The following RGPD3 variants were observed in gnomAD, a reference collection of about 807,000 sequenced individuals.
The protein encoded by RGPD3 is RANBP2 like and GRIP domain containing 3, also known as ranBP2-like and GRIP domain-containing protein 3.
RGPD3 carries 62 observed loss-of-function variants against 154.5 expected under a neutral mutation model. The observed-to-expected ratio is 0.40, with a 90% confidence interval of 0.33 to 0.50. RGPD3 has a LOEUF of 0.50. Among genes scored for constraint, RGPD3 ranks in the 20% least tolerant of loss-of-function variants. The probability of loss-of-function intolerance (pLI) is 0.59; values close to 1 mark genes in which losing one functional copy is unlikely to be tolerated. For missense variants in RGPD3, 919 were observed against 1,716.8 expected, an observed-to-expected ratio of 0.54 and a Z score of 8.21; for synonymous variants, 308 against 607.0, an observed-to-expected ratio of 0.51 and a Z score of 7.24.
rs576950945 is a variant in RGPD3 at position 106,441,138 on chromosome 2, G to A, written c.1066+155C>T. ...TTTTTAAAGAATGTGCTATTTCTTC[G>A]CATCTCTTCCATACCTATTGCTCTT... On this transcript the variant is annotated intron_variant, in intron 8 of 22. Transcript: ENST00000409886. Among the ~76,000 whole-genome samples the A allele has an allele frequency of 7.9e-5, 12 of 151,854 alleles. 1 individual carries two copies. Among genetic ancestry groups the A allele is most frequent in the East Asian group, 5.8e-4 (3 of 5,168 alleles).
intron 21 of RGPD3, among the ~76,000 whole-genome samples, chr2:106,414,679 G>T (rs1408452803): frequency 1.3e-5 from 2 of 151,184 alleles, no homozygotes; most frequent in African/African-American, 2.4e-5. Context: ...GGGCTAGTTA[G>T]TGATTTGTTA....
At chr2:106,465,673 T>A (rs1470324296) in intron 1 of RGPD3, among the ~76,000 whole-genome samples, 2 of 151,786 alleles carry the variant, frequency 1.3e-5, no homozygotes, top group East Asian at 3.9e-4. Context: ...CTTAAAACAT[T>A]TGTGGAAAAG....
At chr2:106,410,704 A>G (rs2104442563) in intron 22 of RGPD3, among the ~76,000 whole-genome samples, 1 of 152,208 alleles carries the variant, frequency 6.6e-6, no homozygotes, top group South Asian at 2.1e-4. Flanking sequence ...TTATAGGGGC[A>G]GTTTTACTCT....
At chr2:106,428,726 G>A (rs1423252961) in intron 18 of RGPD3, among the ~76,000 whole-genome samples, 1 of 151,484 alleles carries the variant, frequency 6.6e-6, no homozygotes, top group Non-Finnish European at 1.5e-5. Flanking sequence ...TACCATTTCA[G>A]AAGTCTGTCG....
At position 106,464,009 on chromosome 2, in the gene RGPD3, T is replaced by C. The variant is rs368931824; in HGVS notation, c.72+4208A>G. 6.6e-5 allele frequency among the ~76,000 whole-genome samples: 10 copies of C among 152,270 alleles called. No homozygotes were observed. In the East Asian group the frequency reaches 1.7e-3, roughly 26 times the overall value. On this transcript the variant is annotated intron_variant, in intron 1 of 22. Transcript: ENST00000409886. ...TGAAAGAATGAGGGGCAAACCAAAG[T>C]GTCTGAGGACAGTTTTGGAGGAGCA...
chr2:106,421,962 G>A (rs1677004249), intron 20 of RGPD3, among the ~76,000 whole-genome samples: 1 of 151,002 alleles, frequency 6.6e-6, no homozygotes, highest in Non-Finnish European at 1.5e-5. Flanking sequence ...TGACATGCAT[G>A]TTGTAGTGGT....
chr2:106,451,104 A>AAAAG (rs1161760822), intron 6 of RGPD3, among the ~76,000 whole-genome samples: 6,409 of 143,946 alleles, frequency 0.045, 32 homozygotes, highest in Middle Eastern at 0.055. Context: ...AAAAAAACAA[A>AAAAG]AAAGAAAGAA....
chr2:106,438,495 A>G (rs1262506691), intron 9 of RGPD3, among the ~76,000 whole-genome samples: 1 of 145,618 alleles, frequency 6.9e-6, no homozygotes, highest in Middle Eastern at 3.4e-3. Flanking sequence ...CTCAAAATAC[A>G]ACAAGGCTGG....
At chr2:106,467,036 G>A (rs1466201761) in intron 1 of RGPD3, among the ~76,000 whole-genome samples, 2 of 127,276 alleles carry the variant, frequency 1.6e-5, no homozygotes, top group African/African-American at 2.7e-5. Context: ...CCTCAACAGA[G>A]CGCGCCAGGT....
At chr2:106,450,898 T>C (rs549173043) in intron 6 of RGPD3, among the ~76,000 whole-genome samples, 1 of 76,824 alleles carries the variant, frequency 1.3e-5, no homozygotes, top group Admixed American at 1.5e-4. Context: ...AAAAGAGAGA[T>C]TGAGACCATC....
rs1324919716 is a variant in RGPD3, at chr2:106,468,284, C to G, written c.5G>C (p.Ser2Thr). ...CCGCTCCCCGTAGGCCTTGCTGCAA[C>G]TCATCGCGCCACCAACCTGGCTCCC... Reference protein sequence around the residue: MSCSKAYGERYV... With the variant: MTCSKAYGERYV... The change falls in exon 1 of 23, where the codon AGT becomes ACT. Residue 2 changes from serine to threonine, a missense_variant. Transcript: ENST00000409886. The G allele has an allele frequency of 3.2e-5, 52 of 1,604,980 alleles. No homozygotes were observed. The highest frequency in any genetic ancestry group is 4.3e-5 in the Non-Finnish European group (51 of 1,177,222).
At chr2:106,415,063 C>T (rs1388820182) in intron 21 of RGPD3, among the ~76,000 whole-genome samples, 2 of 151,732 alleles carry the variant, frequency 1.3e-5, no homozygotes, top group African/African-American at 4.8e-5. Flanking sequence ...TATCAGTGAG[C>T]CAGGGTGGAA....
At chr2:106,416,078 T>C in intron 20 of RGPD3, 89 bp from the exon 21 acceptor site, 1 of 1,541,594 alleles carries the variant, frequency 6.5e-7, no homozygotes, top group Non-Finnish European at 8.7e-7. Context: ...ATAAATATCT[T>C]ACTATGTGAT....
intron 1 of RGPD3, among the ~76,000 whole-genome samples, chr2:106,467,716 GGCC>G (rs1678673578): frequency 1.4e-5 from 2 of 144,404 alleles, no homozygotes; most frequent in African/African-American, 2.6e-5. Context: ...GCCAGGTCGA[GGCC>G]GCCGCCTCAA....
Position 106,423,187 on chromosome 2 carries a change from C to T in RGPD3, c.4780G>A (p.Glu1594Lys), listed in dbSNP as rs2104455764. 1 of 1,608,560 alleles carries T rather than the reference C, an allele frequency of 6.2e-7. No homozygotes were observed. The highest frequency in any genetic ancestry group is 2.3e-4 in the Middle Eastern group (1 of 4,414). ...CATTTTTTAGGTTCCACTTTGCTTTCAGATCCACTCTGGGCTACTGAACTA... is the reference window on the plus strand; with the variant it reads ...CATTTTTTAGGTTCCACTTTGCTTTTAGATCCACTCTGGGCTACTGAACTA... ...ETSSVAQSGSESKVEPKKCEL... is the reference protein window; with the variant it reads ...ETSSVAQSGSKSKVEPKKCEL... Residue 1594 changes from glutamate to lysine, a missense_variant, in exon 20 of 23, where the codon GAA becomes AAA. Glu to Lys is a moderately conservative substitution (Grantham distance 56, BLOSUM62 1). Coordinates refer to ENST00000409886, the MANE Select transcript of RGPD3 (RefSeq NM_001144013.2).
rs766314229 is a variant in RGPD3, at chr2:106,423,927, A to T, written c.4040T>A (p.Val1347Glu). Residue 1347 changes from valine to glutamate, a missense_variant, in exon 20 of 23, where the codon GTA (valine) becomes GAA (glutamate). Coordinates refer to ENST00000409886, the MANE Select transcript of RGPD3 (RefSeq NM_001144013.2). ...TTGTTCATTTTCCTCACCACTGGATACTTCAACTAGATCAGGTAAAGGAAC... is the reference window on the plus strand; with the variant it reads ...TTGTTCATTTTCCTCACCACTGGATTCTTCAACTAGATCAGGTAAAGGAAC... Reference protein sequence around the residue: ...PVVPLPDLVEVSSGEENEQVV... With the variant: ...PVVPLPDLVEESSGEENEQVV... 60 of 1,611,712 alleles carry T rather than the reference A, an allele frequency of 3.7e-5. No homozygotes were observed. Among genetic ancestry groups the T allele is most frequent in the Admixed American group, 1.7e-5 (1 of 59,962 alleles).
In RGPD3 at chr2:106,403,731, G is replaced by A. The variant is rs1454569795; in HGVS notation, c.*1488C>T. On this transcript the variant is annotated 3_prime_UTR_variant, in exon 23 of 23. Transcript: ENST00000409886. ...TAGATGCATTTTCATTCATACATTC[G>A]CTAGTTAGGTCTGTTCTTCTAAGGA... is the stretch of plus-strand genomic sequence containing the variant. Among the ~76,000 whole-genome samples, 279 of 152,064 alleles carry A rather than the reference G, an allele frequency of 1.8e-3. No homozygotes were observed. Among genetic ancestry groups the A allele is most frequent in the African/African-American group, 5.9e-3 (242 of 41,324 alleles).
intron 7 of RGPD3, among the ~76,000 whole-genome samples, chr2:106,441,692 T>A (rs1677745945): frequency 6.9e-6 from 1 of 144,992 alleles, no homozygotes; most frequent in African/African-American, 2.6e-5. Context: ...CAGTCTCTAC[T>A]AAAAATAAAA....
intron 1 of RGPD3, among the ~76,000 whole-genome samples, chr2:106,467,740 C>T (rs1286784888): frequency 2.1e-5 from 3 of 141,462 alleles, no homozygotes; most frequent in Admixed American, 6.9e-5. Context: ...CAGAGCGCGC[C>T]AGGGAGCAGC....
Sources: allele counts gnomAD v4.1 joint callset (sites outside exome capture counted in the v4.1 genomes callset), GRCh38; gene constraint gnomAD v4.1.1; transcripts MANE v1.5; gene names NCBI Gene and HGNC (gene_info 2026-07-23, HGNC 2026-07-21).